The following DOP1A variants were observed in gnomAD, a reference collection of about 807,000 sequenced individuals.
DOP1A encodes DOP1 leucine zipper like protein A.
DOP1A carries 90 observed loss-of-function variants against 267.6 expected under a neutral mutation model. The ratio of observed to expected loss-of-function variants is 0.34; its 90% CI spans 0.28 to 0.40. The LOEUF (loss-of-function observed/expected upper bound fraction) is 0.40. Ranked by LOEUF, DOP1A falls within the 10% of genes least tolerant of loss-of-function variation. The probability of loss-of-function intolerance (pLI) is 1.00; values close to 1 mark genes in which losing one functional copy is unlikely to be tolerated. For synonymous variants in DOP1A, 932 were observed against 999.1 expected, an observed-to-expected ratio of 0.93 and a Z score of 1.27; for missense variants, 2,437 against 2,900.4, an observed-to-expected ratio of 0.84 and a Z score of 3.67.
At chr6:83,088,485 C>T (rs1285126836) in intron 1 of DOP1A, among the ~76,000 whole-genome samples, 2 of 143,780 alleles carry the variant, frequency 1.4e-5, no homozygotes, top group Admixed American at 7.2e-5. Context: ...TGCAGTGGCG[C>T]GATCTCAGCT....
chr6:83,068,815 A>G (rs1785135715), intron 1 of DOP1A, among the ~76,000 whole-genome samples: 1 of 152,256 alleles, frequency 6.6e-6, no homozygotes, highest in African/African-American at 2.4e-5. Context: ...AGTTATGAGT[A>G]AATTAAAACC....
rs1779370916 is a variant in DOP1A at position 83,140,013 on chromosome 6, G to A, written c.5134G>A (p.Ala1712Thr). ...GLSDSRPLWM[A>T]SIIPPDMILT... ...ATTTTACTTCAGGCCTCTGTGGATGGCATCAATTATTCCACCAGATATGAT... is the reference window on the plus strand; with the variant it reads ...ATTTTACTTCAGGCCTCTGTGGATGACATCAATTATTCCACCAGATATGAT... Residue 1712 changes from alanine to threonine, a missense_variant, in exon 22 of 39, where the codon GCA (alanine) becomes ACA (threonine). Physicochemically the swap from Ala to Thr is moderately conservative, Grantham distance 58. Around this residue, in one of 9 missense-constraint regions of DOP1A, gnomAD observed 307 missense variants for 308.6 expected, o/e 0.99. Transcript: ENST00000349129. The A allele has an allele frequency of 6.2e-7, 1 of 1,612,206 alleles. No individual in the cohort carries two copies. Among genetic ancestry groups the A allele is most frequent in the Non-Finnish European group, 8.5e-7 (1 of 1,178,868 alleles).
chr6:83,158,691 G>C, intron 36 of DOP1A, 69 bp downstream of exon 36: 1 of 1,025,284 alleles, frequency 9.8e-7, no homozygotes, highest in Non-Finnish European at 1.5e-6. Flanking sequence ...ATATTACTCA[G>C]CATCTAGGAG....
intron 1 of DOP1A, among the ~76,000 whole-genome samples, chr6:83,077,587 G>A (rs952681459): frequency 6.6e-6 from 1 of 152,080 alleles, no homozygotes; most frequent in Admixed American, 6.5e-5. Context: ...AAGGCAAGAG[G>A]ATTGCTTGAG....
chr6:83,098,487 T>C (rs1482187344), intron 3 of DOP1A, among the ~76,000 whole-genome samples: 1 of 152,196 alleles, frequency 6.6e-6, no homozygotes, highest in African/African-American at 2.4e-5. Context: ...TTGATGCCAA[T>C]CACAAGCCCT....
chr6:83,158,702 AAT>A, intron 36 of DOP1A, 80 bp downstream of exon 36: 1 of 947,256 alleles, frequency 1.1e-6, no homozygotes, highest in South Asian at 1.6e-5. Flanking sequence ...CATCTAGGAG[AAT>A]ATAGTCTTTT....
intron 20 of DOP1A, among the ~76,000 whole-genome samples, chr6:83,136,536 T>TA (rs1371488274): frequency 1.3e-5 from 2 of 152,120 alleles, no homozygotes; most frequent in Non-Finnish European, 2.9e-5. Context: ...TGCTGATGCC[T>TA]AGAAGGCTAT....
rs114459336 is a variant in DOP1A, at chr6:83,110,383, T to C, written c.681+69T>C. 78 of 1,463,482 alleles carry C rather than the reference T, an allele frequency of 5.3e-5. No individual in the cohort carries two copies. The African/African-American group carries it at 9.6e-4, about 18-fold the overall frequency. 90.7% of individuals were successfully genotyped at this position (1,463,482 alleles called of 1,614,324 possible). ...AGAGTCAGGCACTATTCCAGACATA[T>C]ATTGAGGATTGTATAATGAACAAAG... On this transcript the variant is annotated intron_variant, in intron 6 of 38. Transcript: ENST00000349129.
chr6:83,133,912 A>G (rs946323067), intron 18 of DOP1A, among the ~76,000 whole-genome samples: 8 of 152,106 alleles, frequency 5.3e-5, no homozygotes, highest in African/African-American at 1.7e-4. Flanking sequence ...ATACAATAAT[A>G]TAGTAAACTA....
chr6:83,155,808 C>A (rs1782676177), intron 33 of DOP1A, 143 bp from the exon 34 acceptor site: 2 of 894,900 alleles, frequency 2.2e-6, no homozygotes, highest in Non-Finnish European at 3.3e-6. Flanking sequence ...GCCAGCCTGT[C>A]TGCCCCAGAG....
At chr6:83,169,799 G>A, downstream of DOP1A, 1 of 457,484 alleles carries the variant, frequency 2.2e-6, no homozygotes, top group Non-Finnish European at 4.4e-6. Flanking sequence ...AGGAGTATGT[G>A]AAGAGGCCAA....
In DOP1A at chr6:83,153,706, TATC is replaced by T. The variant is rs1365935097; in HGVS notation, c.6239+89_6239+91del. 4.1e-6 allele frequency: 5 copies of T among 1,231,548 alleles called. 1 individual carries two copies. In the Admixed American group the frequency reaches 1.3e-4, roughly 32 times the overall value. The allele number at this position is 1,231,548 out of a possible 1,614,324, so 76.3% of individuals were successfully genotyped here. A position where few individuals can be genotyped will look rare whatever the true frequency, so the allele number is the denominator to read the frequency against. On this transcript the variant is annotated intron_variant, in intron 31 of 38. Coordinates refer to ENST00000349129, the MANE Select transcript of DOP1A (RefSeq NM_015018.4). ...GTTCCCTTATTGCCATTTCTAGAAT[TATC>T]ATAAAATGGCATTTTTACCTTGAAT...
At chr6:83,081,809 T>C (rs1413649724) in intron 1 of DOP1A, among the ~76,000 whole-genome samples, 2 of 152,192 alleles carry the variant, frequency 1.3e-5, no homozygotes, top group African/African-American at 4.8e-5. Flanking sequence ...AAGGGGTTAA[T>C]ATCTAAAATA....
intron 20 of DOP1A, among the ~76,000 whole-genome samples, chr6:83,136,267 TTTAAG>T (rs1307689697): frequency 2.0e-5 from 3 of 152,194 alleles, no homozygotes; most frequent in South Asian, 2.1e-4. Flanking sequence ...TTCCTCATCT[TTTAAG>T]AGAAGAATAA....
At chr6:83,152,465 C>A in intron 30 of DOP1A, 98 bp downstream of exon 30, 1 of 482,108 alleles carries the variant, frequency 2.1e-6, no homozygotes, top group Non-Finnish European at 3.5e-6. Flanking sequence ...ATTTGAGAAA[C>A]TATTTTGTGC....
chr6:83,079,727 CTAG>C (rs1335556541), intron 1 of DOP1A, among the ~76,000 whole-genome samples: 1 of 151,740 alleles, frequency 6.6e-6, no homozygotes, highest in Non-Finnish European at 1.5e-5. Context: ...CACTTTATTT[CTAG>C]TAGTATGTTT....
rs200819520 is a variant in DOP1A, at chr6:83,129,224, C to T, written c.2057C>T (p.Thr686Ile). Residue 686 changes from threonine (T) to isoleucine (I), a missense_variant, in exon 16 of 39, where the codon ACC (threonine) becomes ATC (isoleucine). Thr to Ile is a moderately conservative substitution (Grantham distance 89). Coordinates refer to ENST00000349129, the MANE Select transcript of DOP1A (RefSeq NM_015018.4). ...CCLEYVQQFL[T>I]RLINLYIIQN... Reference sequence around the variant, plus strand: ...TTGGAGTATGTCCAACAGTTTCTTACCAGACTTATCAACCTCTACATCATT... The same window carrying T: ...TTGGAGTATGTCCAACAGTTTCTTATCAGACTTATCAACCTCTACATCATT... 6.2e-7 allele frequency: 1 copy of T among 1,613,490 alleles called. No individual in the cohort carries two copies. Among genetic ancestry groups the T allele is most frequent in the Non-Finnish European group, 8.5e-7 (1 of 1,179,788 alleles).
chr6:83,171,292 CTA>C (rs910232153), downstream of DOP1A: 15 of 152,198 alleles, frequency 9.9e-5, no homozygotes, highest in African/African-American at 2.9e-4. Flanking sequence ...ACATTTATAT[CTA>C]TTTTTAATTT....
At chr6:83,153,177 T>G (rs1782074360) in intron 30 of DOP1A, among the ~76,000 whole-genome samples, 1 of 152,180 alleles carries the variant, frequency 6.6e-6, no homozygotes, top group Non-Finnish European at 1.5e-5. Context: ...AAACTACATT[T>G]TAGCTGAGTC....
Sources: gnomAD v4.1 joint callset for allele counts (sites outside exome capture counted in the v4.1 genomes callset) on GRCh38, gnomAD v4.1.1 for gene constraint, gnomAD v4.1.1 regional missense constraint, MANE v1.5 for transcripts, NCBI Gene and HGNC (gene_info 2026-07-23, HGNC 2026-07-21) for gene names.